Variants in RNF2 observed in about 807,000 individuals in gnomAD.
RNF2 encodes E3 ubiquitin-protein ligase RING2.
A neutral mutation model predicts 37.2 loss-of-function variants in RNF2; 6 were observed. The ratio of observed to expected loss-of-function variants is 0.16; its 90% CI spans 0.09 to 0.32. The LOEUF (loss-of-function observed/expected upper bound fraction) is 0.32. Ranked by LOEUF, RNF2 falls within the 10% of genes least tolerant of loss-of-function variation. The pLI is 1.00. For synonymous variants in RNF2, 133 were observed against 132.7 expected (o/e 1.00, Z -0.02); for missense variants, 251 against 404.0 (o/e 0.62, Z 3.25).
At chr1:185,082,344 AC>A (rs1651442880) in intron 1 of RNF2, among the ~76,000 whole-genome samples, 2 of 46,832 alleles carry the variant, frequency 4.3e-5, no homozygotes, top group Admixed American at 6.8e-4. Flanking sequence ...CCTCTGCAGA[AC>A]TTTTTTTTTT....
intron 1 of RNF2, among the ~76,000 whole-genome samples, chr1:185,063,869 A>G (rs1650721797): frequency 6.6e-6 from 1 of 152,092 alleles, no homozygotes; most frequent in Admixed American, 6.6e-5. Flanking sequence ...ACTTCATCAC[A>G]GCTTCTTTGA....
chr1:185,074,947 C>T (rs563858864), intron 1 of RNF2, among the ~76,000 whole-genome samples: 21 of 152,056 alleles, frequency 1.4e-4, no homozygotes, highest in African/African-American at 4.8e-4. Context: ...GGAACCAATC[C>T]CCCTTGGATA....
chr1:185,064,152 CTTAAA>C (rs1411358807), intron 1 of RNF2, among the ~76,000 whole-genome samples: 7 of 152,238 alleles, frequency 4.6e-5, no homozygotes, highest in Admixed American at 3.3e-4. Context: ...TTCAATCTGT[CTTAAA>C]TTTATATCAT....
intron 1 of RNF2, among the ~76,000 whole-genome samples, chr1:185,076,273 T>G (rs1363960787): frequency 2.0e-4 from 6 of 30,536 alleles, no homozygotes; most frequent in African/African-American, 6.5e-4. Context: ...GGGTTGTTTT[T>G]TTTTTTTTTT....
At chr1:185,063,010 T>TA (rs1216346690) in intron 1 of RNF2, among the ~76,000 whole-genome samples, 2 of 152,168 alleles carry the variant, frequency 1.3e-5, no homozygotes, top group South Asian at 2.1e-4. Context: ...TTTGTCAGAA[T>TA]AAAAAAATGT....
chr1:185,085,614 T>A (rs1651570943), intron 1 of RNF2, among the ~76,000 whole-genome samples: 3 of 152,116 alleles, frequency 2.0e-5, no homozygotes, highest in Admixed American at 1.3e-4. Flanking sequence ...CTATACTACT[T>A]GAGTTTTTGT....
At chr1:185,077,758 A>G (rs1651219825) in intron 1 of RNF2, among the ~76,000 whole-genome samples, 1 of 134,054 alleles carries the variant, frequency 7.5e-6, no homozygotes, top group Admixed American at 7.6e-5. Flanking sequence ...CAGCTTTTAT[A>G]GTGATTATTT....
intron 1 of RNF2, among the ~76,000 whole-genome samples, chr1:185,075,497 CTG>C (rs1435271989): frequency 6.6e-6 from 1 of 152,172 alleles, no homozygotes; most frequent in African/African-American, 2.4e-5. Flanking sequence ...TCTTGCATTG[CTG>C]TGTAACTCCC....
rs771084261 is a variant in RNF2 at position 185,098,204 on chromosome 1, A to G, written c.597A>G (p.Thr199=). The G allele has an allele frequency of 1.2e-6, 2 of 1,614,232 alleles. No homozygotes were observed. The highest frequency in any genetic ancestry group is 2.2e-5 in the East Asian group (1 of 44,884). Reference sequence around the variant, plus strand: ...GCCCTAGTAACAAACGGACCAAAACATCTGATGATTCTGGGCTAGAGCTTG... The same window carrying G: ...GCCCTAGTAACAAACGGACCAAAACGTCTGATGATTCTGGGCTAGAGCTTG... The part of the protein sequence containing the change: ...EAGPSNKRTK[T]SDDSGLELDN... Residue 199 remains threonine, a synonymous_variant, in exon 5 of 7, where the codon ACA becomes ACG. Transcript: ENST00000367510.
intron 4 of RNF2, among the ~76,000 whole-genome samples, chr1:185,096,120 A>C (rs1651903504): frequency 6.6e-6 from 1 of 152,198 alleles, no homozygotes; most frequent in Non-Finnish European, 1.5e-5. Context: ...CTGTTAGGTC[A>C]CTGTAATTTA....
chr1:185,067,375 C>G (rs3820183), intron 1 of RNF2, among the ~76,000 whole-genome samples: 47,548 of 152,076 alleles, frequency 0.31, 8,073 homozygotes, highest in African/African-American at 0.43. Flanking sequence ...TATTATTTGC[C>G]TAGTCTTGAG....
intron 1 of RNF2, chr1:185,046,062 G>C (rs546233312): frequency 6.6e-6 from 1 of 152,206 alleles, no homozygotes; most frequent in Non-Finnish European, 1.5e-5. Context: ...AGTGGAATGC[G>C]AGTTTTTTCT....
chr1:185,087,529 T>G (rs868027521), intron 1 of RNF2, 23 bp from the exon 2 acceptor site: 3 of 1,608,852 alleles, frequency 1.9e-6, no homozygotes, highest in South Asian at 2.2e-5. Context: ...CTAAAATTGT[T>G]TTTCTCTCTT....
intron 1 of RNF2, among the ~76,000 whole-genome samples, chr1:185,061,089 C>G (rs181753923): frequency 6.6e-6 from 1 of 151,396 alleles, no homozygotes; most frequent in African/African-American, 2.4e-5. Flanking sequence ...CCACTGCACT[C>G]CACTCTGGGT....
intron 1 of RNF2, among the ~76,000 whole-genome samples, chr1:185,083,223 T>A (rs1204541956): frequency 2.0e-5 from 3 of 152,254 alleles, no homozygotes; most frequent in African/African-American, 7.2e-5. Flanking sequence ...TTTGATTTTT[T>A]AAAAATTATT....
chr1:185,054,863 A>G (rs539967538), intron 1 of RNF2, among the ~76,000 whole-genome samples: 2 of 151,364 alleles, frequency 1.3e-5, no homozygotes, highest in African/African-American at 2.4e-5. Flanking sequence ...ACGCCCGGCT[A>G]TTTTTTTTCT....
intron 1 of RNF2, among the ~76,000 whole-genome samples, chr1:185,075,628 G>A (rs1651125644): frequency 6.6e-6 from 1 of 152,080 alleles, no homozygotes; most frequent in Non-Finnish European, 1.5e-5. Context: ...GAAGGTGAAG[G>A]GTGAGCAGGC....
At chr1:185,069,776 G>A (rs977623364) in intron 1 of RNF2, among the ~76,000 whole-genome samples, 4 of 152,170 alleles carry the variant, frequency 2.6e-5, no homozygotes, top group East Asian at 1.9e-4. Context: ...ATTTAAGCCC[G>A]AAATATCTCT....
chr1:185,077,068 C>T (rs562473132), intron 1 of RNF2, among the ~76,000 whole-genome samples: 100 of 152,096 alleles, frequency 6.6e-4, no homozygotes, highest in African/African-American at 1.9e-3. Flanking sequence ...TTGTTGCTAT[C>T]GTGAATGGGA....
Sources: allele counts gnomAD v4.1 joint callset (sites outside exome capture counted in the v4.1 genomes callset), GRCh38; gene constraint gnomAD v4.1.1; transcripts MANE v1.5; gene names NCBI Gene and HGNC (gene_info 2026-07-23, HGNC 2026-07-21).